The following ZZZ3 variants were observed in gnomAD, a reference collection of about 807,000 sequenced individuals.
The protein encoded by ZZZ3 is ZZ-type zinc finger-containing protein 3.
ZZZ3 carries 22 observed loss-of-function variants against 95.2 expected under a neutral mutation model. That is an observed-to-expected ratio of 0.23 (90% confidence interval 0.17 to 0.33). The LOEUF (loss-of-function observed/expected upper bound fraction) is 0.33, where lower values mean the gene tolerates loss of function less well. ZZZ3 is among the 10% of genes least tolerant of loss of function. The probability of loss-of-function intolerance (pLI) is 1.00; values close to 1 mark genes in which losing one functional copy is unlikely to be tolerated. For missense variants in ZZZ3, 885 were observed against 1,066.5 expected (o/e 0.83, Z 2.37); for synonymous variants, 335 against 358.9 (o/e 0.93, Z 0.75).
At chr1:77,584,765 A>G (rs922068365) in intron 5 of ZZZ3, 110 bp from the exon 6 acceptor site, 2 of 789,852 alleles carry the variant, frequency 2.5e-6, no homozygotes, top group Non-Finnish European at 3.6e-6. Context: ...TTTAAGAGTT[A>G]CCTGAAAGAG....
chr1:77,642,467 G>A (rs1054294823), intron 1 of ZZZ3, among the ~76,000 whole-genome samples: 2 of 152,154 alleles, frequency 1.3e-5, no homozygotes, highest in African/African-American at 4.8e-5. Context: ...AACCTAGCAA[G>A]GCATGGTGGC....
rs1667883408 is a variant in ZZZ3 at position 77,632,331 on chromosome 1, T to A, written c.1024A>T (p.Ser342Cys). The change falls in exon 5 of 15, where the codon AGT becomes TGT. Residue 342 changes from serine to cysteine, a missense_variant. By Grantham distance (112) the Ser-to-Cys change is moderately radical. This residue lies in a region of ZZZ3 where 556 missense variants were observed against 652.9 expected (regional missense o/e 0.85). Transcript: ENST00000370801. ...KENTNNELDT[S>C]LESMPASGEP... is the part of the protein sequence containing the mutation. ...CCGGAGGCTGGCATACTCTCAAGAC[T>A]TGTGTCCAGTTCGTTATTGGTGTTT... 6.2e-7 allele frequency: 1 copy of A among 1,614,066 alleles called. No individual in the cohort carries two copies. The highest frequency in any genetic ancestry group is 1.3e-5 in the African/African-American group (1 of 74,924).
intron 5 of ZZZ3, among the ~76,000 whole-genome samples, chr1:77,629,312 G>A (rs966637782): frequency 3.9e-5 from 6 of 152,112 alleles, no homozygotes; most frequent in African/African-American, 1.4e-4. Context: ...AGAAAAAAGA[G>A]AAAAGTCTCA....
At chr1:77,576,015 C>G in intron 12 of ZZZ3, 53 bp downstream of exon 12, 1 of 1,345,438 alleles carries the variant, frequency 7.4e-7, no homozygotes, top group Non-Finnish European at 9.9e-7. Context: ...ATTAGAAAAT[C>G]CTACTCTCTT....
intron 12 of ZZZ3, among the ~76,000 whole-genome samples, chr1:77,570,233 G>A (rs1247418309): frequency 6.6e-6 from 1 of 152,132 alleles, no homozygotes; most frequent in Non-Finnish European, 1.5e-5. Context: ...CTCCCAAGTA[G>A]CTGGGACTAC....
chr1:77,570,536 A>G (rs1661276171), intron 12 of ZZZ3, among the ~76,000 whole-genome samples: 1 of 152,062 alleles, frequency 6.6e-6, no homozygotes, highest in Non-Finnish European at 1.5e-5. Context: ...AAATTTCCCA[A>G]TGGTTTCCTG....
chr1:77,599,517 T>C (rs1664536128), intron 5 of ZZZ3, among the ~76,000 whole-genome samples: 1 of 152,046 alleles, frequency 6.6e-6, no homozygotes, highest in South Asian at 2.1e-4. Flanking sequence ...AATATAATTA[T>C]TTACAAATAC....
In ZZZ3 at chr1:77,568,465, T is replaced by G; in HGVS notation, c.2333A>C (p.Asp778Ala). The change falls in exon 13 of 15, where the codon GAT becomes GCT. Residue 778 changes from aspartate to alanine, a missense_variant and splice_region_variant. Around this residue, in one of 5 missense-constraint regions of ZZZ3, gnomAD observed 221 missense variants for 247.8 expected, o/e 0.89. Transcript: ENST00000370801. ...HMNTAVEDASDDESIPIMYRN... is the reference protein window; with the variant it reads ...HMNTAVEDASADESIPIMYRN... ...ATACATGATAGGAATACTTTCGTCATCCTATCAAAAAAAAAAAAAAAAAAA... is the reference window on the plus strand; with the variant it reads ...ATACATGATAGGAATACTTTCGTCAGCCTATCAAAAAAAAAAAAAAAAAAA... 2.4e-6 allele frequency: 2 copies of G among 828,292 alleles called. No homozygotes were observed. The highest frequency in any genetic ancestry group is 3.3e-6 in the Non-Finnish European group (2 of 602,332). The allele number at this position is 828,292 out of a possible 1,614,324, so 51.3% of individuals were successfully genotyped here. A position where few individuals can be genotyped will look rare whatever the true frequency, so the allele number is the denominator to read the frequency against.
chr1:77,575,523 G>T (rs1375692927), intron 12 of ZZZ3, among the ~76,000 whole-genome samples: 1 of 151,984 alleles, frequency 6.6e-6, no homozygotes, highest in Non-Finnish European at 1.5e-5. Context: ...AGAAAACAGA[G>T]GAACAGATTA....
chr1:77,565,852 C>A, intron 14 of ZZZ3, 68 bp from the exon 15 acceptor site: 3 of 1,439,278 alleles, frequency 2.1e-6, no homozygotes, highest in South Asian at 1.4e-5. Flanking sequence ...TATTACAAAG[C>A]TTCCTCACAG....
In ZZZ3 at chr1:77,632,565, G is replaced by T. The variant is rs1478552962; in HGVS notation, c.790C>A (p.His264Asn). 3 of 1,614,122 alleles carry T rather than the reference G, an allele frequency of 1.9e-6. No individual in the cohort carries two copies. The highest frequency in any genetic ancestry group is 2.5e-6 in the Non-Finnish European group (3 of 1,180,016). The change falls in exon 5 of 15, where the codon CAT becomes AAT. Residue 264 changes from histidine (H) to asparagine (N), a missense_variant. By Grantham distance (68) the His-to-Asn change is moderately conservative. Around this residue, in one of 5 missense-constraint regions of ZZZ3, gnomAD observed 556 missense variants for 652.9 expected, o/e 0.85. Coordinates refer to ENST00000370801, the MANE Select transcript of ZZZ3 (RefSeq NM_015534.6). Reference sequence around the variant, plus strand: ...TGTGAATCTGTGCAAGGCACCTTATGGTCTATATAACTGTCCTCCTTCCTA... The same window carrying T: ...TGTGAATCTGTGCAAGGCACCTTATTGTCTATATAACTGTCCTCCTTCCTA... Reference protein sequence around the residue: ...DSRKEDSYIDHKVPCTDSQVQ... With the variant: ...DSRKEDSYIDNKVPCTDSQVQ...
At chr1:77,625,817 C>CT (rs1374495761) in intron 5 of ZZZ3, among the ~76,000 whole-genome samples, 1 of 150,858 alleles carries the variant, frequency 6.6e-6, no homozygotes, top group Non-Finnish European at 1.5e-5. Flanking sequence ...TGATGAAACT[C>CT]TGTCTCTACT....
intron 4 of ZZZ3, among the ~76,000 whole-genome samples, chr1:77,637,301 C>A (rs1446694764): frequency 1.3e-5 from 2 of 152,010 alleles, no homozygotes; most frequent in Non-Finnish European, 2.9e-5. Flanking sequence ...AAAAATCTTA[C>A]CTGAAATTAA....
intron 5 of ZZZ3, among the ~76,000 whole-genome samples, chr1:77,619,606 TA>T (rs1304407675): frequency 6.6e-6 from 1 of 152,176 alleles, no homozygotes; most frequent in African/African-American, 2.4e-5. Context: ...ATACCAAACC[TA>T]AATTTATTTT....
chr1:77,683,375 A>G (rs1191210766), upstream of ZZZ3: 1 of 151,470 alleles, frequency 6.6e-6, no homozygotes, highest in Non-Finnish European at 1.5e-5. Context: ...GAAGCTCGAT[A>G]GCGGCGCCGC....
At chr1:77,657,701 TG>T (rs759585276) in intron 1 of ZZZ3, among the ~76,000 whole-genome samples, 70 of 152,266 alleles carry the variant, frequency 4.6e-4, no homozygotes, top group Non-Finnish European at 9.3e-4. Flanking sequence ...TCAGTATACG[TG>T]GGGGGGATTG....
intron 1 of ZZZ3, among the ~76,000 whole-genome samples, chr1:77,665,366 A>C (rs929298702): frequency 6.6e-6 from 1 of 152,220 alleles, no homozygotes; most frequent in African/African-American, 2.4e-5. Context: ...AACTGTGGAC[A>C]TAAAGTATGT....
At chr1:77,567,225 G>C (rs147169469) in intron 13 of ZZZ3, among the ~76,000 whole-genome samples, 180 of 152,106 alleles carry the variant, frequency 1.2e-3, no homozygotes, top group African/African-American at 4.2e-3. Flanking sequence ...ATGCCTAAAG[G>C]CTTCTCAAAC....
At chr1:77,672,205 G>C (rs891533245) in intron 1 of ZZZ3, among the ~76,000 whole-genome samples, 1 of 152,198 alleles carries the variant, frequency 6.6e-6, no homozygotes, top group Non-Finnish European at 1.5e-5. Context: ...TCCGAGTGCA[G>C]TGTGAAATTT....
Sources: gnomAD v4.1 joint callset for allele counts (sites outside exome capture counted in the v4.1 genomes callset) on GRCh38, gnomAD v4.1.1 for gene constraint, gnomAD v4.1.1 regional missense constraint, MANE v1.5 for transcripts, NCBI Gene and HGNC (gene_info 2026-07-23, HGNC 2026-07-21) for gene names.